Variants in ADGRL2 observed in about 807,000 individuals in gnomAD.
ADGRL2 encodes adhesion G protein-coupled receptor L2, also known as calcium-independent alpha-latrotoxin receptor 2.
Under a neutral mutation model 157.4 loss-of-function variants are expected in ADGRL2, and 44 were observed. The observed-to-expected ratio is 0.28, with a 90% CI of 0.22 to 0.36. The LOEUF is 0.36. Ranked by LOEUF, ADGRL2 falls within the 10% of genes least tolerant of loss-of-function variation. ADGRL2 has a pLI of 1.00. For synonymous variants in ADGRL2, 585 were observed against 624.7 expected (o/e 0.94, Z 0.95); for missense variants, 1,510 against 1,768.9 (o/e 0.85, Z 2.63).
In ADGRL2 at chr1:81,953,039, G is replaced by T; in HGVS notation, c.1833+14G>T. The T allele has an allele frequency of 6.2e-7, 1 of 1,608,802 alleles. No homozygotes were observed. Among genetic ancestry groups the T allele is most frequent in the Non-Finnish European group, 8.5e-7 (1 of 1,176,796 alleles). On this transcript the variant is annotated intron_variant, in intron 10 of 23. Transcript: ENST00000686636. ...GCTTACCTTAAGGTATCTCTCCTGTGCTGTCACCCTGCTTTCTCCCTTCTT... is the reference window on the plus strand; with the variant it reads ...GCTTACCTTAAGGTATCTCTCCTGTTCTGTCACCCTGCTTTCTCCCTTCTT...
At chr1:81,722,117 C>A in intron 1 of ADGRL2, 1 of 364,004 alleles carries the variant, frequency 2.7e-6, no homozygotes, top group South Asian at 2.2e-5. Flanking sequence ...ATGGTGAAAC[C>A]CCGTCTCTAC....
chr1:81,513,150 T>C (rs1445195261), intron 2 of ADGRL2, among the ~76,000 whole-genome samples: 1 of 152,220 alleles, frequency 6.6e-6, no homozygotes, highest in Non-Finnish European at 1.5e-5. Flanking sequence ...TGCTTACTGG[T>C]TTCAGAAAGA....
chr1:81,719,139 A>C (rs570723318), intron 1 of ADGRL2, among the ~76,000 whole-genome samples: 49 of 152,358 alleles, frequency 3.2e-4, no homozygotes, highest in African/African-American at 1.2e-3. Flanking sequence ...TGGGTTCTTT[A>C]AAAGTTTGGT....
chr1:81,524,579 C>T (rs570639546), intron 2 of ADGRL2, among the ~76,000 whole-genome samples: 17 of 151,368 alleles, frequency 1.1e-4, no homozygotes, highest in Non-Finnish European at 1.9e-4. Context: ...AGTTTAAACA[C>T]GTAATGGAAC....
intron 2 of ADGRL2, among the ~76,000 whole-genome samples, chr1:81,494,533 G>A (rs996443326): frequency 6.6e-6 from 1 of 152,064 alleles, no homozygotes; most frequent in African/African-American, 2.4e-5. Context: ...TTCATTTCAT[G>A]TCACCACTGA....
chr1:81,468,099 A>G (rs962806849), intron 2 of ADGRL2, among the ~76,000 whole-genome samples: 1 of 152,170 alleles, frequency 6.6e-6, no homozygotes, highest in East Asian at 1.9e-4. Context: ...TGAAAATCCT[A>G]TAGAAACAAA....
chr1:81,727,800 T>C lies in ADGRL2; in HGVS notation c.-143+27992T>C, dbSNP rs564692890. On this transcript the variant is annotated intron_variant, in intron 1 of 20. Coordinates refer to the ADGRL2 transcript ENST00000359929. ...TGTTTAATGGCTGCACAGTATTCCATTGTGTGAATAAAATATATATATATA... is the reference window on the plus strand; with the variant it reads ...TGTTTAATGGCTGCACAGTATTCCACTGTGTGAATAAAATATATATATATA... 5.5e-5 allele frequency among the ~76,000 whole-genome samples: 8 copies of C among 145,790 alleles called. No homozygotes were observed. In the South Asian group the frequency reaches 1.7e-3, roughly 31 times the overall value.
intron 1 of ADGRL2, among the ~76,000 whole-genome samples, chr1:81,733,928 C>G (rs572553501): frequency 1.2e-4 from 18 of 152,124 alleles, no homozygotes; most frequent in African/African-American, 4.1e-4. Flanking sequence ...TACAACAAAC[C>G]TCCATGACAC....
chr1:81,438,249 G>A (rs577962549), intron 1 of ADGRL2, among the ~76,000 whole-genome samples: 1 of 152,212 alleles, frequency 6.6e-6, no homozygotes, highest in South Asian at 2.1e-4. Context: ...TACCTGCTCA[G>A]GAGATCCCAT....
At position 81,664,718 on chromosome 1, in the gene ADGRL2, A is replaced by G. The variant is rs574916110; in HGVS notation, c.-143+83738A>G. Among the ~76,000 whole-genome samples, 3 of 152,284 alleles carry G rather than the reference A, an allele frequency of 2.0e-5. No individual in the cohort carries two copies. The South Asian group carries it at 6.2e-4, about 32-fold the overall frequency. On this transcript the variant is annotated intron_variant, in intron 3 of 24. Coordinates refer to the ADGRL2 transcript ENST00000370721. ...CAATTTAAGAAACTATTTTTATTTT[A>G]GTCTACAAATGATATAGCATTGCAA...
At chr1:81,422,275 C>T (rs961894080) in intron 1 of ADGRL2, among the ~76,000 whole-genome samples, 3 of 151,838 alleles carry the variant, frequency 2.0e-5, no homozygotes, top group African/African-American at 7.3e-5. Flanking sequence ...GACGGAGTCT[C>T]GTTCTGTTGC....
At chr1:81,615,404 C>T (rs147425014) in intron 3 of ADGRL2, among the ~76,000 whole-genome samples, 2 of 152,322 alleles carry the variant, frequency 1.3e-5, no homozygotes, top group African/African-American at 4.8e-5. Context: ...ATAAATCTTG[C>T]TGCTGCTCAC....
Position 81,990,707 on chromosome 1 carries a change from A to T in ADGRL2, c.3972A>T (p.Pro1324=). ...DASSLMHSDN[P]GLELHHKELE... Reference sequence around the variant, plus strand: ...CATCTTTAATGCACAGCGACAACCCAGGGCTGGAGCTCCATCACAAAGAAC... The same window carrying T: ...CATCTTTAATGCACAGCGACAACCCTGGGCTGGAGCTCCATCACAAAGAAC... The change falls in exon 24 of 24, where the codon CCA becomes CCT. Residue 1324 remains proline (P), a synonymous_variant. Coordinates refer to ENST00000686636, the MANE Select transcript of ADGRL2 (RefSeq NM_001366006.2). 1 of 1,614,124 alleles carries T rather than the reference A, an allele frequency of 6.2e-7. No homozygotes were observed. The highest frequency in any genetic ancestry group is 8.5e-7 in the Non-Finnish European group (1 of 1,180,016).
In ADGRL2 at chr1:81,734,200, CG is replaced by C. The variant is rs2084820149; in HGVS notation, c.-142-27607del. On this transcript the variant is annotated intron_variant, in intron 1 of 20. Transcript: ENST00000359929. The stretch of plus-strand genomic sequence containing the variant: ...CTGAGGCAGGAGAATCGCTTAAACC[CG>C]GGGAGGTGGAGGTTGCAATGAGCCG... Among the ~76,000 whole-genome samples the C allele has an allele frequency of 2.0e-5, 3 of 149,116 alleles. No homozygotes were observed. In the Admixed American group the frequency reaches 2.0e-4, roughly 10 times the overall value.
intron 6 of ADGRL2, among the ~76,000 whole-genome samples, chr1:81,947,138 C>T (rs192720336): frequency 1.2e-4 from 19 of 152,052 alleles, no homozygotes; most frequent in African/African-American, 3.4e-4. Flanking sequence ...ATACGGCATC[C>T]GGATAAATAG....
At chr1:81,488,253 C>T (rs373630092) in intron 2 of ADGRL2, among the ~76,000 whole-genome samples, 5 of 152,178 alleles carry the variant, frequency 3.3e-5, no homozygotes, top group Admixed American at 2.6e-4. Context: ...CCTGAAAAGA[C>T]CTTAAATTTA....
chr1:81,800,379 G>C (rs965545306), upstream of ADGRL2: 1 of 152,172 alleles, frequency 6.6e-6, no homozygotes, highest in Non-Finnish European at 1.5e-5. Flanking sequence ...GCGCGCCGCA[G>C]CCGGACGGAG....
upstream of ADGRL2, among the ~76,000 whole-genome samples, chr1:81,799,508 G>T (rs935263030): frequency 6.6e-6 from 1 of 152,150 alleles, no homozygotes. Context: ...TACAAGTCAA[G>T]AACAAACTTG....
chr1:81,692,302 C>T (rs906828173), intron 3 of ADGRL2, among the ~76,000 whole-genome samples: 1 of 151,840 alleles, frequency 6.6e-6, no homozygotes, highest in Non-Finnish European at 1.5e-5. Context: ...GACTCTGTCT[C>T]AAAAAATAAA....
Sources: allele counts gnomAD v4.1 joint callset (sites outside exome capture counted in the v4.1 genomes callset), GRCh38; gene constraint gnomAD v4.1.1; transcripts MANE v1.5; gene names NCBI Gene and HGNC (gene_info 2026-07-23, HGNC 2026-07-21).